Variants in LMX1A observed in about 807,000 individuals in gnomAD.
The protein encoded by LMX1A is LIM homeobox transcription factor 1-alpha.
LMX1A carries 15 observed loss-of-function variants against 49.1 expected under a neutral mutation model. The ratio of observed to expected loss-of-function variants is 0.31; its 90% CI spans 0.20 to 0.47. The LOEUF is 0.47. LMX1A is among the 20% of genes least tolerant of loss of function. LMX1A has a pLI of 1.00. For synonymous variants in LMX1A, 167 were observed against 185.7 expected, an observed-to-expected ratio of 0.90 and a Z score of 0.82; for missense variants, 372 against 475.8, an observed-to-expected ratio of 0.78 and a Z score of 2.03.
intron 3 of LMX1A, among the ~76,000 whole-genome samples, chr1:165,345,155 C>T (rs1656197897): frequency 6.6e-6 from 1 of 152,216 alleles, no homozygotes; most frequent in Non-Finnish European, 1.5e-5. Context: ...AGAGGCTAAT[C>T]TGGAGTTCAG....
chr1:165,331,685 G>A (rs1397974418), intron 3 of LMX1A, among the ~76,000 whole-genome samples: 2 of 152,222 alleles, frequency 1.3e-5, no homozygotes, highest in Non-Finnish European at 2.9e-5. Flanking sequence ...GGGAGGCCAA[G>A]GTGGGTGAAT....
At chr1:165,255,160 T>C (rs1653192815) in intron 3 of LMX1A, among the ~76,000 whole-genome samples, 1 of 152,192 alleles carries the variant, frequency 6.6e-6, no homozygotes, top group Non-Finnish European at 1.5e-5. Context: ...CTCAGTAGGA[T>C]GTGTTTGGGA....
At chr1:165,298,414 T>C (rs572327454) in intron 3 of LMX1A, among the ~76,000 whole-genome samples, 4 of 152,336 alleles carry the variant, frequency 2.6e-5, no homozygotes, top group Admixed American at 2.6e-4. Flanking sequence ...TCAGCACAAT[T>C]GGCCACATAG....
At chr1:165,352,662 C>A (rs1232558244) in intron 3 of LMX1A, among the ~76,000 whole-genome samples, 1 of 152,220 alleles carries the variant, frequency 6.6e-6, no homozygotes, top group Non-Finnish European at 1.5e-5. Context: ...ACCTGGGTAA[C>A]ATGGGGTGAG....
intron 4 of LMX1A, among the ~76,000 whole-genome samples, chr1:165,234,411 C>T (rs1316026321): frequency 6.6e-6 from 1 of 152,120 alleles, no homozygotes; most frequent in Admixed American, 6.5e-5. Context: ...AATGATTGCG[C>T]CAGACTCTAT....
Position 165,213,776 on chromosome 1 carries a change from G to C in LMX1A, c.534C>G (p.Ala178=). ...CAGCAGTTCCTTTCCCTGCCCCATG[G>C]GCTGACTTGCAGAGACTTTCTTCAT... ...SDDEESLCKS[A]HGAGKGTAEE... The change falls in exon 5 of 9, where the codon GCC becomes GCG. Residue 178 remains alanine, a synonymous_variant. Coordinates refer to ENST00000342310, the MANE Select transcript of LMX1A (RefSeq NM_177398.4). The C allele has an allele frequency of 6.2e-7, 1 of 1,614,162 alleles. No homozygotes were observed. Among genetic ancestry groups the C allele is most frequent in the Non-Finnish European group, 8.5e-7 (1 of 1,180,030 alleles).
At chr1:165,205,575 T>C (rs145611599) in intron 8 of LMX1A, among the ~76,000 whole-genome samples, 108 of 152,332 alleles carry the variant, frequency 7.1e-4, no homozygotes, top group African/African-American at 2.5e-3. Context: ...AGCGCAAGAC[T>C]TGCAATTCAA....
chr1:165,250,500 T>C (rs567711482), intron 3 of LMX1A, among the ~76,000 whole-genome samples: 29 of 150,010 alleles, frequency 1.9e-4, no homozygotes, highest in African/African-American at 7.1e-4. Flanking sequence ...AGAGCTTAAA[T>C]GTGTAGTCTA....
At chr1:165,348,533 G>A (rs1325016114) in intron 3 of LMX1A, among the ~76,000 whole-genome samples, 1 of 152,098 alleles carries the variant, frequency 6.6e-6, no homozygotes, top group African/African-American at 2.4e-5. Context: ...TCAGTTTATT[G>A]CCTAGCTGTG....
In LMX1A at chr1:165,213,637, A is replaced by G. The variant is rs1651518604; in HGVS notation, c.669+4T>C. ...CTCCTTTTCCTCCCTGCTCCCTCCT[A>G]TACCTTCCTGCAGGGCTTGGAGGAT... On this transcript the variant is annotated splice_donor_region_variant and intron_variant, in intron 5 of 8. Coordinates refer to ENST00000342310, the MANE Select transcript of LMX1A (RefSeq NM_177398.4). The G allele has an allele frequency of 6.2e-7, 1 of 1,613,314 alleles. No individual in the cohort carries two copies. Among genetic ancestry groups the G allele is most frequent in the East Asian group, 2.2e-5 (1 of 44,866 alleles).
At chr1:165,255,029 G>C (rs530914697) in intron 3 of LMX1A, among the ~76,000 whole-genome samples, 2 of 152,338 alleles carry the variant, frequency 1.3e-5, no homozygotes, top group African/African-American at 2.4e-5. Context: ...AGCACTCAGT[G>C]CTGTTCCTCT....
intron 3 of LMX1A, among the ~76,000 whole-genome samples, chr1:165,277,830 G>C (rs149782175): frequency 1.0e-3 from 156 of 152,286 alleles, no homozygotes; most frequent in African/African-American, 3.6e-3. Flanking sequence ...TCATTTTGCT[G>C]GGTCACATAA....
intron 3 of LMX1A, among the ~76,000 whole-genome samples, chr1:165,305,838 T>C (rs1464958515): frequency 6.6e-6 from 1 of 152,112 alleles, no homozygotes; most frequent in Non-Finnish European, 1.5e-5. Context: ...CAATGAGATA[T>C]GATATGGTGA....
At chr1:165,351,742 A>G (rs1656435448) in intron 3 of LMX1A, among the ~76,000 whole-genome samples, 1 of 152,236 alleles carries the variant, frequency 6.6e-6, no homozygotes, top group African/African-American at 2.4e-5. Context: ...TTGTGTGGTC[A>G]CAGGGTCTAA....
At chr1:165,224,273 G>T (rs1242570755) in intron 4 of LMX1A, among the ~76,000 whole-genome samples, 1 of 152,112 alleles carries the variant, frequency 6.6e-6, no homozygotes, top group Non-Finnish European at 1.5e-5. Flanking sequence ...CATGCTTCCT[G>T]TACAGCCTCT....
At chr1:165,326,912 C>G (rs1353112195) in intron 3 of LMX1A, among the ~76,000 whole-genome samples, 1 of 152,138 alleles carries the variant, frequency 6.6e-6, no homozygotes, top group African/African-American at 2.4e-5. Flanking sequence ...GCTAAACACC[C>G]TACAATGTGC....
At chr1:165,271,568 T>G (rs555317482) in intron 3 of LMX1A, among the ~76,000 whole-genome samples, 21 of 152,164 alleles carry the variant, frequency 1.4e-4, no homozygotes, top group Non-Finnish European at 2.8e-4. Flanking sequence ...TCGAAGTACA[T>G]GGATCCTGCA....
chr1:165,270,467 G>C (rs902812516), intron 3 of LMX1A, among the ~76,000 whole-genome samples: 1 of 152,192 alleles, frequency 6.6e-6, no homozygotes, highest in Admixed American at 6.5e-5. Flanking sequence ...TTAAGAATCT[G>C]AGCAGGCCAA....
At position 165,320,639 on chromosome 1, in the gene LMX1A, T is replaced by C. The variant is rs1038841223; in HGVS notation, c.263+32437A>G. Among the ~76,000 whole-genome samples the C allele has an allele frequency of 3.9e-5, 6 of 152,142 alleles. No individual in the cohort carries two copies. The South Asian group carries it at 8.3e-4, about 21-fold the overall frequency. On this transcript the variant is annotated intron_variant, in intron 3 of 8. Coordinates refer to ENST00000342310, the MANE Select transcript of LMX1A (RefSeq NM_177398.4). ...ACATTCAGCAGAAACTTCAGAGGAA[T>C]CCCTAAGATCAAATGTGTACCCTGT...
Sources: allele counts gnomAD v4.1 joint callset (sites outside exome capture counted in the v4.1 genomes callset), GRCh38; gene constraint gnomAD v4.1.1; transcripts MANE v1.5; gene names NCBI Gene and HGNC (gene_info 2026-07-23, HGNC 2026-07-21).